The following DNAAF11 variants were observed in gnomAD, a reference collection of about 807,000 sequenced individuals.
DNAAF11 encodes leucine rich repeat containing 6.
DNAAF11 carries 45 observed loss-of-function variants against 60.8 expected under a neutral mutation model. That is an observed-to-expected ratio of 0.74 (90% CI 0.58 to 0.95). The LOEUF is 0.95. DNAAF11 is among the 40% of genes least tolerant of loss of function. DNAAF11 has a pLI of 0.00. For missense variants in DNAAF11, 546 were observed against 546.2 expected (o/e 1.00, Z 0.00); for synonymous variants, 191 against 183.5 (o/e 1.04, Z -0.33).
Position 132,656,437 on chromosome 8 carries a change from C to A in DNAAF11, c.256+393G>T, listed in dbSNP as rs151126841. Among the ~76,000 whole-genome samples the A allele has an allele frequency of 1.1e-3, 167 of 152,160 alleles. 3 individuals carry two copies. The East Asian group carries it at 0.03, about 27-fold the overall frequency. On this transcript the variant is annotated intron_variant, in intron 3 of 11. Coordinates refer to ENST00000620350, the MANE Select transcript of DNAAF11 (RefSeq NM_012472.6). ...GTATGTAAAATGTTAATTTTAAAAG[C>A]GTACCTATTTTTATACAAGACTGTT...
chr8:132,652,711 C>T (rs199656530), intron 3 of DNAAF11, among the ~76,000 whole-genome samples: 13 of 151,930 alleles, frequency 8.6e-5, no homozygotes, highest in African/African-American at 7.3e-5. Context: ...AAACACCACA[C>T]GTTCTCACTC....
chr8:132,661,571 G>A lies in DNAAF11; in HGVS notation c.67C>T (p.Leu23=). The change falls in exon 2 of 12, where the codon CTG becomes TTG. Residue 23 remains leucine, a synonymous_variant. Transcript: ENST00000620350. ...TGCTGATGCAACGAGAGTTCCTCCA[G>A]GGAAAAAATGACACAGTCGTTGTGT... ...AEHNDCVIFS[L]EELSLHQQEI... is the part of the protein sequence containing the mutation. The A allele has an allele frequency of 1.2e-6, 2 of 1,613,858 alleles. No homozygotes were observed. The highest frequency in any genetic ancestry group is 1.7e-6 in the Non-Finnish European group (2 of 1,179,900).
intron 10 of DNAAF11, among the ~76,000 whole-genome samples, chr8:132,589,185 T>C (rs1816212135): frequency 6.6e-6 from 1 of 152,122 alleles, no homozygotes; most frequent in African/African-American, 2.4e-5. Flanking sequence ...TTCCAGAAGA[T>C]GTAAGTCATG....
At chr8:132,682,797 T>C in the DNAAF11 span, among the ~76,000 whole-genome samples, 2 of 152,232 alleles carry the variant, frequency 1.3e-5, no homozygotes, top group Non-Finnish European at 2.9e-5. Context: ...GGCATCTACA[T>C]CTGGTAAGGG....
At chr8:132,687,313 A>G in the DNAAF11 span, 14 of 182,922 alleles carry the variant, frequency 7.7e-5, no homozygotes, top group Admixed American at 7.8e-4. Flanking sequence ...TAATTTCCAA[A>G]CAGCCACTTT....
At chr8:132,581,977 G>A (rs1266151843) in intron 11 of DNAAF11, among the ~76,000 whole-genome samples, 1 of 152,124 alleles carries the variant, frequency 6.6e-6, no homozygotes, top group African/African-American at 2.4e-5. Flanking sequence ...TACTCCAGTT[G>A]CTCCTCCCCC....
intron 5 of DNAAF11, among the ~76,000 whole-genome samples, 200 bp downstream of exon 5, chr8:132,632,540 A>T (rs905254964): frequency 2.0e-5 from 3 of 152,206 alleles, no homozygotes; most frequent in East Asian, 1.9e-4. Context: ...TTAAAAAGGA[A>T]TTTTTCCCCC....
chr8:132,633,973 G>T (rs144845808), intron 4 of DNAAF11, among the ~76,000 whole-genome samples: 1 of 152,096 alleles, frequency 6.6e-6, no homozygotes, highest in African/African-American at 2.4e-5. Context: ...ATCATAAGGT[G>T]ATACATTTGC....
chr8:132,643,657 C>T (rs572114992), intron 3 of DNAAF11: 24 of 456,062 alleles, frequency 5.3e-5, no homozygotes, highest in Middle Eastern at 6.5e-4. Context: ...AAATCTGCAT[C>T]GTCCACATCA....
the DNAAF11 span, among the ~76,000 whole-genome samples, chr8:132,688,619 C>G: frequency 6.6e-6 from 1 of 152,084 alleles, no homozygotes; most frequent in African/African-American, 2.4e-5. Context: ...CTTATTTTCT[C>G]CTGAGGTTGT....
intron 1 of DNAAF11, among the ~76,000 whole-genome samples, chr8:132,665,484 T>A (rs1824542110): frequency 6.6e-6 from 1 of 151,554 alleles, no homozygotes; most frequent in Non-Finnish European, 1.5e-5. Flanking sequence ...CCCAGCAAAC[T>A]TTAAAAAAAA....
intron 11 of DNAAF11, among the ~76,000 whole-genome samples, chr8:132,575,831 G>C (rs996028859): frequency 6.6e-6 from 1 of 152,094 alleles, no homozygotes. Context: ...GGGAAGGAGC[G>C]GGAGTGTCTG....
chr8:132,612,729 T>C (rs1818791421), intron 8 of DNAAF11, among the ~76,000 whole-genome samples: 1 of 152,182 alleles, frequency 6.6e-6, no homozygotes, highest in Admixed American at 6.5e-5. Context: ...AGATGCTTGT[T>C]GAATAAAGGC....
chr8:132,670,593 G>C (rs1825086625), intron 1 of DNAAF11, among the ~76,000 whole-genome samples: 1 of 151,998 alleles, frequency 6.6e-6, no homozygotes, highest in South Asian at 2.1e-4. Flanking sequence ...AATTGAAGAG[G>C]AAATAATACT....
chr8:132,616,956 T>C (rs1047758615), intron 7 of DNAAF11, among the ~76,000 whole-genome samples: 1 of 152,082 alleles, frequency 6.6e-6, no homozygotes, highest in Admixed American at 6.5e-5. Flanking sequence ...TGGCTACTGT[T>C]GACATCATCA....
chr8:132,672,910 C>T (rs1431847041), intron 1 of DNAAF11, among the ~76,000 whole-genome samples: 1 of 152,148 alleles, frequency 6.6e-6, no homozygotes, highest in Non-Finnish European at 1.5e-5. Flanking sequence ...AACAGGTACA[C>T]TAGATGAACT....
At chr8:132,576,486 T>C (rs944167882) in intron 11 of DNAAF11, among the ~76,000 whole-genome samples, 3 of 152,224 alleles carry the variant, frequency 2.0e-5, no homozygotes, top group Non-Finnish European at 4.4e-5. Flanking sequence ...TGTGCCCAAG[T>C]GAGACGATTT....
intron 1 of DNAAF11, among the ~76,000 whole-genome samples, chr8:132,669,258 G>A (rs1824938635): frequency 6.6e-6 from 1 of 152,202 alleles, no homozygotes; most frequent in Admixed American, 6.5e-5. Flanking sequence ...CAGAAGTGGT[G>A]CATGAAAGCA....
intron 10 of DNAAF11, among the ~76,000 whole-genome samples, chr8:132,596,999 A>G (rs1402343350): frequency 1.3e-5 from 2 of 152,144 alleles, no homozygotes; most frequent in Non-Finnish European, 2.9e-5. Context: ...ATGACCTGTC[A>G]TCCACCCCAA....
Sources: gnomAD v4.1 joint callset for allele counts (sites outside exome capture counted in the v4.1 genomes callset) on GRCh38, gnomAD v4.1.1 for gene constraint, MANE v1.5 for transcripts, NCBI Gene and HGNC (gene_info 2026-07-23, HGNC 2026-07-21) for gene names.